Variants in HECW1 observed in about 807,000 individuals in gnomAD.
HECW1 encodes the protein E3 ubiquitin-protein ligase HECW1.
Under a neutral mutation model 182.3 loss-of-function variants are expected in HECW1, and 61 were observed. The ratio of observed to expected loss-of-function variants is 0.33; its 90% CI spans 0.27 to 0.41. The LOEUF (loss-of-function observed/expected upper bound fraction) is 0.41, where lower values mean the gene tolerates loss of function less well. Ranked by LOEUF, HECW1 falls within the 10% of genes least tolerant of loss-of-function variation. The pLI, the probability that HECW1 is intolerant of heterozygous loss-of-function variation, is 1.00. For synonymous variants in HECW1, 859 were observed against 832.6 expected, an observed-to-expected ratio of 1.03 and a Z score of -0.55; for missense variants, 1,739 against 2,108.9, an observed-to-expected ratio of 0.82 and a Z score of 3.44.
At chr7:43,560,245 A>T (rs940336165) in intron 29 of HECW1, among the ~76,000 whole-genome samples, 3 of 152,252 alleles carry the variant, frequency 2.0e-5, no homozygotes, top group Admixed American at 2.0e-4. Context: ...CAATTTACTG[A>T]GTTCCCTTTC....
chr7:43,450,621 A>C (rs1289241787), intron 11 of HECW1, among the ~76,000 whole-genome samples: 3 of 152,160 alleles, frequency 2.0e-5, no homozygotes, highest in Non-Finnish European at 4.4e-5. Flanking sequence ...ATCATTAGTT[A>C]TGAAGTGTTT....
intron 21 of HECW1, among the ~76,000 whole-genome samples, chr7:43,503,820 A>T (rs2079467835): frequency 6.6e-6 from 1 of 152,250 alleles, no homozygotes; most frequent in South Asian, 2.1e-4. Flanking sequence ...AGGTGATAGT[A>T]CCAGCGGTAG....
At chr7:43,163,118 G>A (rs73099611) in intron 2 of HECW1, 3,562 of 152,282 alleles carry the variant, frequency 0.023, 43 homozygotes, top group Middle Eastern at 0.075. Flanking sequence ...CAGCACAGAC[G>A]AGAACAGTCC....
intron 4 of HECW1, among the ~76,000 whole-genome samples, chr7:43,314,391 T>C (rs975639597): frequency 1.1e-4 from 16 of 151,976 alleles, no homozygotes; most frequent in African/African-American, 3.9e-4. Flanking sequence ...GTGTTGTGTA[T>C]AGAAAGAGAG....
Position 43,442,534 on chromosome 7 carries a change from G to T in HECW1, c.950G>T (p.Arg317Met). ...TGGTGCTTATTTCCTTCTAGGGATA[G>T]GGTGGTCAGCTACACACTTGGCCGC... ...RLLERHAIGDRVVSYTLGRRL... is the reference protein window; with the variant it reads ...RLLERHAIGDMVVSYTLGRRL... The change falls in exon 10 of 30, where the codon AGG (arginine) becomes ATG (methionine). Residue 317 changes from arginine to methionine, a missense_variant. Transcript: ENST00000395891. 6.2e-7 allele frequency: 1 copy of T among 1,610,652 alleles called. No homozygotes were observed. The highest frequency in any genetic ancestry group is 1.1e-5 in the South Asian group (1 of 90,878).
intron 5 of HECW1, among the ~76,000 whole-genome samples, chr7:43,355,447 G>A (rs915925564): frequency 1.4e-4 from 21 of 152,106 alleles, no homozygotes; most frequent in African/African-American, 4.1e-4. Flanking sequence ...TTGGGAGGAT[G>A]GAGTTAAATT....
intron 2 of HECW1, among the ~76,000 whole-genome samples, chr7:43,195,785 C>CT (rs1794405729): frequency 6.6e-6 from 1 of 152,180 alleles, no homozygotes; most frequent in Admixed American, 6.5e-5. Context: ...TGGATTTGGG[C>CT]TGCTACCTTT....
At chr7:43,324,219 G>A (rs750419423) in intron 5 of HECW1, among the ~76,000 whole-genome samples, 12 of 152,086 alleles carry the variant, frequency 7.9e-5, no homozygotes, top group Non-Finnish European at 1.6e-4. Context: ...GGGAAAGGCA[G>A]GTACTTACAT....
At chr7:43,454,361 GT>G (rs1159944838) in intron 12 of HECW1, among the ~76,000 whole-genome samples, 3 of 152,136 alleles carry the variant, frequency 2.0e-5, no homozygotes, top group African/African-American at 7.2e-5. Flanking sequence ...AAGAAAAATA[GT>G]TGTCCTACTG....
chr7:43,348,119 T>C (rs1194075089), intron 5 of HECW1, among the ~76,000 whole-genome samples: 1 of 152,186 alleles, frequency 6.6e-6, no homozygotes, highest in Non-Finnish European at 1.5e-5. Flanking sequence ...TCTGGTAGAA[T>C]TTTGCTGTGA....
At chr7:43,214,805 A>G (rs1184890821) in intron 2 of HECW1, among the ~76,000 whole-genome samples, 1 of 152,248 alleles carries the variant, frequency 6.6e-6, no homozygotes, top group Non-Finnish European at 1.5e-5. Flanking sequence ...GCCAGCTCAC[A>G]GCCCACAGTG....
At chr7:43,233,811 T>A (rs1057385847) in intron 2 of HECW1, among the ~76,000 whole-genome samples, 2 of 152,092 alleles carry the variant, frequency 1.3e-5, no homozygotes, top group African/African-American at 4.8e-5. Flanking sequence ...TTATTGGAGC[T>A]CTCCAGTTCC....
At chr7:43,114,869 G>A (rs1784918295) in intron 2 of HECW1, among the ~76,000 whole-genome samples, 1 of 152,176 alleles carries the variant, frequency 6.6e-6, no homozygotes, top group African/African-American at 2.4e-5. Flanking sequence ...CTGCAGCTCT[G>A]TTATTTGTGT....
intron 24 of HECW1, among the ~76,000 whole-genome samples, chr7:43,515,014 T>A (rs1026753709): frequency 1.3e-5 from 2 of 152,178 alleles, no homozygotes; most frequent in Non-Finnish European, 2.9e-5. Context: ...TAAAATACAA[T>A]GTGACCAATG....
intron 2 of HECW1, chr7:43,121,988 C>T (rs1785669407): frequency 6.6e-6 from 1 of 152,146 alleles, no homozygotes; most frequent in African/African-American, 2.4e-5. Context: ...TGCTATACGC[C>T]ATGTTGTGTC....
In HECW1 at chr7:43,564,245, A is replaced by G. The variant is rs2082279858; in HGVS notation, c.*2319A>G. On this transcript the variant is annotated 3_prime_UTR_variant, in exon 30 of 30. Transcript: ENST00000395891. The stretch of plus-strand genomic sequence containing the variant: ...ATCTTTAGAACTTGGTGTTATATAT[A>G]TGTAAATACTCATTAATTCAAGCAC... 5.2e-6 allele frequency: 1 copy of G among 191,048 alleles called. No homozygotes were observed. Among genetic ancestry groups the G allele is most frequent in the Admixed American group, 6.1e-5 (1 of 16,296 alleles). 11.8% of individuals were successfully genotyped at this position (191,048 alleles called of 1,614,324 possible). A position where few individuals can be genotyped will look rare whatever the true frequency, so the allele number is the denominator to read the frequency against.
At chr7:43,289,039 G>A (rs951841558) in intron 3 of HECW1, among the ~76,000 whole-genome samples, 1 of 151,942 alleles carries the variant, frequency 6.6e-6, no homozygotes, top group African/African-American at 2.4e-5. Context: ...TGCCTGGCTG[G>A]TACTAGGCAT....
Position 43,424,548 on chromosome 7 carries a change from G to A in HECW1, c.802-13455G>A, listed in dbSNP as rs145519297. Among the ~76,000 whole-genome samples the A allele has an allele frequency of 5.6e-3, 856 of 152,146 alleles. 7 individuals are homozygous for A. Among genetic ancestry groups the A allele is most frequent in the African/African-American group, 0.02 (813 of 41,504 alleles). ...TGAGGTGGGAAAATGGCTTGAGCCCGGGGGGTCAAGGCTGCAGTGAGCCAT... is the reference window on the plus strand; with the variant it reads ...TGAGGTGGGAAAATGGCTTGAGCCCAGGGGGTCAAGGCTGCAGTGAGCCAT... On this transcript the variant is annotated intron_variant, in intron 8 of 29. Coordinates refer to ENST00000395891, the MANE Select transcript of HECW1 (RefSeq NM_015052.5).
intron 3 of HECW1, among the ~76,000 whole-genome samples, chr7:43,287,059 T>A (rs1213728390): frequency 6.6e-6 from 1 of 151,998 alleles, no homozygotes; most frequent in Non-Finnish European, 1.5e-5. Flanking sequence ...GGTGGGGAGG[T>A]ACGTAGTAGT....
Sources: gnomAD v4.1 joint callset for allele counts (sites outside exome capture counted in the v4.1 genomes callset) on GRCh38, gnomAD v4.1.1 for gene constraint, MANE v1.5 for transcripts, NCBI Gene and HGNC (gene_info 2026-07-23, HGNC 2026-07-21) for gene names.